CIT: variants seen among roughly 807,000 people sequenced by gnomAD.
CIT encodes the protein citron rho-interacting serine/threonine kinase, also known as citron Rho-interacting kinase.
A neutral mutation model predicts 272.7 loss-of-function variants in CIT; 79 were observed. That is an observed-to-expected ratio of 0.29 (90% CI 0.24 to 0.35). The LOEUF (loss-of-function observed/expected upper bound fraction) is 0.35, where lower values mean the gene tolerates loss of function less well. CIT is among the 10% of genes least tolerant of loss of function. CIT has a pLI of 1.00. For synonymous variants in CIT, 948 were observed against 995.6 expected (o/e 0.95, Z 0.90); for missense variants, 1,909 against 2,618.3 (o/e 0.73, Z 5.91).
At position 119,701,016 on chromosome 12, in the gene CIT, ATTTAT is replaced by A. The variant is rs1183040831; in HGVS notation, c.5543-196_5543-192del. The A allele has an allele frequency of 1.2e-5, 4 of 345,052 alleles. No homozygotes were observed. The South Asian group carries it at 3.3e-4, about 28-fold the overall frequency. The allele number at this position is 345,052 out of a possible 1,614,324, so 21.4% of individuals were successfully genotyped here. A position where few individuals can be genotyped will look rare whatever the true frequency, so the allele number is the denominator to read the frequency against. Reference sequence around the variant, plus strand: ...AAAAATGAGGGACTTTTTAAATTTAATTTATTTTAATTTATTAAATTTTATTAAAG... The same window carrying A: ...AAAAATGAGGGACTTTTTAAATTTAATTTAATTTATTAAATTTTATTAAAG... On this transcript the variant is annotated intron_variant, in intron 43 of 47. Coordinates refer to ENST00000392521, the MANE Select transcript of CIT (RefSeq NM_001206999.2).
rs570790309 is a variant in CIT at position 119,784,402 on chromosome 12, C to G, written c.1402-351G>C. On this transcript the variant is annotated intron_variant, in intron 11 of 47. Transcript: ENST00000392521. The surrounding 1 kb of genome is among the most constrained non-coding windows in gnomAD (Gnocchi z 4.7). ...ATTTTATCCCAAATCCATCTTGATC[C>G]CCCCCCATCTCCTTGCAAAGATCTA... 1.2e-4 allele frequency: 145 copies of G among 1,228,556 alleles called. No homozygotes were observed. The South Asian group carries it at 2.0e-3, about 17-fold the overall frequency. The allele number at this position is 1,228,556 out of a possible 1,614,324, so 76.1% of individuals were successfully genotyped here. A position where few individuals can be genotyped will look rare whatever the true frequency, so the allele number is the denominator to read the frequency against.
rs143048728 is a variant in CIT at position 119,718,271 on chromosome 12, C to T, written c.4142G>A (p.Arg1381His). The T allele has an allele frequency of 6.8e-6, 11 of 1,613,304 alleles. No individual in the cohort carries two copies. The highest frequency in any genetic ancestry group is 2.2e-5 in the East Asian group (1 of 44,858). The change falls in exon 32 of 48, where the codon CGC (arginine) becomes CAC (histidine). Residue 1381 changes from arginine to histidine, a missense_variant. Coordinates refer to ENST00000392521, the MANE Select transcript of CIT (RefSeq NM_001206999.2). This position sits in a 1 kb window ranked among gnomAD's most constrained non-coding sequence, Gnocchi z 4.8. ...CTCTGGAGTTGAAGACTCCTTTCTGCGGCTGGATGGCGGGGCCAGCAGGCT... is the reference window on the plus strand; with the variant it reads ...CTCTGGAGTTGAAGACTCCTTTCTGTGGCTGGATGGCGGGGCCAGCAGGCT... ...AMSLLAPPSS[R>H]RKESSTPEEF...
intron 9 of CIT, among the ~76,000 whole-genome samples, chr12:119,814,447 T>G (rs1966951837): frequency 1.3e-5 from 2 of 152,304 alleles, no homozygotes; most frequent in East Asian, 3.9e-4. Context: ...CCTGGTCTAG[T>G]AAGTTGAATT....
chr12:119,854,878 G>C (rs1208074517), intron 4 of CIT, among the ~76,000 whole-genome samples: 1 of 152,106 alleles, frequency 6.6e-6, no homozygotes, highest in Non-Finnish European at 1.5e-5. Flanking sequence ...TTGAACCTGG[G>C]AGGCGGGGTT....
At chr12:119,741,737 G>A (rs370053459) in intron 24 of CIT, among the ~76,000 whole-genome samples, 14 of 152,128 alleles carry the variant, frequency 9.2e-5, no homozygotes, top group Non-Finnish European at 2.1e-4. Flanking sequence ...CATGAATAAG[G>A]AGAACATCCC....
intron 44 of CIT, chr12:119,699,905 A>G (rs1956455903): frequency 2.2e-6 from 1 of 456,006 alleles, no homozygotes; most frequent in Non-Finnish European, 4.4e-6. Flanking sequence ...ACAGATACGT[A>G]TGTACATACT....
At chr12:119,760,364 G>A (rs1961608494) in intron 20 of CIT, among the ~76,000 whole-genome samples, 1 of 151,000 alleles carries the variant, frequency 6.6e-6, no homozygotes, top group Non-Finnish European at 1.5e-5. Context: ...CAGGAGTGGT[G>A]GCCTGTAATC....
In CIT at chr12:119,701,910, T is replaced by C. The variant is rs1565906605; in HGVS notation, c.5353A>G (p.Ser1785Gly). Residue 1785 changes from serine to glycine, a missense_variant, in exon 42 of 48, where the codon AGT becomes GGT. Transcript: ENST00000392521. ...PCSCIHFTNY[S>G]ILIGTNKFYE... ...AATTTATTGGTTCCAATGAGGATAC[T>C]GTAATTGGTGAAGTGGATACAGCTG... The C allele has an allele frequency of 1.2e-6, 2 of 1,614,060 alleles. No homozygotes were observed. Among genetic ancestry groups the C allele is most frequent in the Non-Finnish European group, 1.7e-6 (2 of 1,179,944 alleles).
At chr12:119,791,848 G>A (rs949843485) in intron 10 of CIT, among the ~76,000 whole-genome samples, 2 of 152,224 alleles carry the variant, frequency 1.3e-5, no homozygotes, top group African/African-American at 4.8e-5. Context: ...AATGGCATAT[G>A]ACACAGAAGA....
In CIT at chr12:119,690,922, C is replaced by A. The variant is rs1041240861; in HGVS notation, c.5883-468G>T. Among the ~76,000 whole-genome samples the A allele has an allele frequency of 6.6e-6, 1 of 152,202 alleles. No homozygotes were observed. Among genetic ancestry groups the A allele is most frequent in the Admixed American group, 6.5e-5 (1 of 15,284 alleles). The stretch of plus-strand genomic sequence containing the variant: ...GGCGCAGTGGCGCACACCTGTAATC[C>A]CAGCACTTTGGGAGGCCGAGGCAGG... On this transcript the variant is annotated intron_variant, in intron 46 of 47. Transcript: ENST00000392521. This position sits in a 1 kb window ranked among gnomAD's most constrained non-coding sequence, Gnocchi z 6.0.
At chr12:119,875,251 C>T (rs918275206) in intron 2 of CIT, among the ~76,000 whole-genome samples, 2 of 152,050 alleles carry the variant, frequency 1.3e-5, no homozygotes, top group African/African-American at 2.4e-5. Flanking sequence ...TGCAGTAAGC[C>T]GTGATTGTGC....
intron 9 of CIT, among the ~76,000 whole-genome samples, chr12:119,820,781 G>A (rs757247367): frequency 6.6e-6 from 1 of 151,722 alleles, no homozygotes; most frequent in Non-Finnish European, 1.5e-5. Context: ...GACCAGCCTG[G>A]GCAACCTGGT....
chr12:119,782,392 T>C lies in CIT; in HGVS notation c.1665+126A>G. 5 of 1,066,466 alleles carry C rather than the reference T, an allele frequency of 4.7e-6. No individual in the cohort carries two copies. The South Asian group carries it at 6.1e-5, about 13-fold the overall frequency. 66.1% of individuals were successfully genotyped at this position (1,066,466 alleles called of 1,614,324 possible). A position where few individuals can be genotyped will look rare whatever the true frequency, so the allele number is the denominator to read the frequency against. On this transcript the variant is annotated intron_variant, in intron 13 of 47. Coordinates refer to ENST00000392521, the MANE Select transcript of CIT (RefSeq NM_001206999.2). ...TGAATGACCTACATACCTGTCTCTC[T>C]TCCACTCTGCCCCCACCCTTTCTCT...
At chr12:119,803,043 C>A (rs1966332052) in intron 10 of CIT, among the ~76,000 whole-genome samples, 163 bp downstream of exon 10, 1 of 152,070 alleles carries the variant, frequency 6.6e-6, no homozygotes, top group Non-Finnish European at 1.5e-5. Context: ...ACAGGCTACC[C>A]CCGCAAAGCC....
At position 119,804,517 on chromosome 12, in the gene CIT, G is replaced by A. The variant is rs527258200; in HGVS notation, c.1112-1128C>T. On this transcript the variant is annotated intron_variant, in intron 9 of 47. Transcript: ENST00000392521. This position sits in a 1 kb window ranked among gnomAD's most constrained non-coding sequence, Gnocchi z 5.3. Reference sequence around the variant, plus strand: ...GACAGAGCAGCATGAGTCACTGCCCGCCAGGGCTCGCTAGAGCTCCCCCTA... The same window carrying A: ...GACAGAGCAGCATGAGTCACTGCCCACCAGGGCTCGCTAGAGCTCCCCCTA... 3 of 967,644 alleles carry A rather than the reference G, an allele frequency of 3.1e-6. No individual in the cohort carries two copies. The African/African-American group carries it at 5.3e-5, about 17-fold the overall frequency. 59.9% of individuals were successfully genotyped at this position (967,644 alleles called of 1,614,324 possible).
intron 43 of CIT, 74 bp downstream of exon 43, chr12:119,701,550 C>G: frequency 6.4e-7 from 1 of 1,550,484 alleles, no homozygotes; most frequent in Non-Finnish European, 8.8e-7. Flanking sequence ...GCTCCATGTA[C>G]CCTCCTCCAA....
intron 13 of CIT, among the ~76,000 whole-genome samples, chr12:119,777,111 T>C (rs1963826369): frequency 6.6e-6 from 1 of 151,612 alleles, no homozygotes; most frequent in African/African-American, 2.4e-5. Context: ...AAAAATTAGC[T>C]GGGTGTGGTG....
chr12:119,796,101 G>A (rs917752752), intron 10 of CIT, among the ~76,000 whole-genome samples: 68 of 152,254 alleles, frequency 4.5e-4, no homozygotes, highest in Non-Finnish European at 1.2e-4. Context: ...AAGTGATTCA[G>A]TAGGGGATGA....
chr12:119,785,644 A>C (rs937083008), intron 10 of CIT, among the ~76,000 whole-genome samples: 1 of 151,996 alleles, frequency 6.6e-6, no homozygotes, highest in African/African-American at 2.4e-5. Flanking sequence ...GCTCACTGCA[A>C]CCTCGGCTCA....
Sources: allele counts gnomAD v4.1 joint callset (sites outside exome capture counted in the v4.1 genomes callset), GRCh38; gene constraint gnomAD v4.1.1; non-coding constraint Gnocchi (gnomAD v3.1); transcripts MANE v1.5; gene names NCBI Gene and HGNC (gene_info 2026-07-23, HGNC 2026-07-21).